The following MAPK9 variants were observed in gnomAD, a reference collection of about 807,000 sequenced individuals.
MAPK9 encodes Jun kinase.
MAPK9 carries 30 observed loss-of-function variants against 57.1 expected under a neutral mutation model. The ratio of observed to expected loss-of-function variants is 0.53; its 90% confidence interval spans 0.39 to 0.71. The LOEUF is 0.71. MAPK9 is among the 30% of genes least tolerant of loss of function. MAPK9 has a pLI of 0.00. For synonymous variants in MAPK9, 155 were observed against 177.0 expected (o/e 0.88, Z 0.99); for missense variants, 362 against 521.0 (o/e 0.69, Z 2.97).
At chr5:180,261,296 T>C (rs1216713618) in intron 5 of MAPK9, among the ~76,000 whole-genome samples, 2 of 152,252 alleles carry the variant, frequency 1.3e-5, no homozygotes, top group Non-Finnish European at 2.9e-5. Flanking sequence ...AGTTCCTTGC[T>C]CATTAAAAAT....
chr5:180,255,823 A>G (rs965542572), intron 5 of MAPK9, among the ~76,000 whole-genome samples: 13 of 152,228 alleles, frequency 8.5e-5, no homozygotes, highest in African/African-American at 3.1e-4. Flanking sequence ...TATTATTTCA[A>G]TATGGAAATA....
chr5:180,250,954 C>T (rs757726111), intron 5 of MAPK9, among the ~76,000 whole-genome samples: 4 of 152,124 alleles, frequency 2.6e-5, no homozygotes, highest in East Asian at 1.9e-4. Context: ...ACCAAATGAA[C>T]GAATTCGCTT....
At chr5:180,275,555 G>C (rs913691795) in intron 2 of MAPK9, among the ~76,000 whole-genome samples, 1 of 152,166 alleles carries the variant, frequency 6.6e-6, no homozygotes, top group East Asian at 1.9e-4. Flanking sequence ...TGCCCCCAAG[G>C]GAAAGACAGC....
rs141292449 is a variant in MAPK9, at chr5:180,275,196, C to A, written c.122+5244G>T. Reference sequence around the variant, plus strand: ...CCTTGTGTGCCTAGACTGGGCCTTGCACGTATAAAACTGTTTGCTATCTAG... The same window carrying A: ...CCTTGTGTGCCTAGACTGGGCCTTGAACGTATAAAACTGTTTGCTATCTAG... On this transcript the variant is annotated intron_variant, in intron 2 of 11. Coordinates refer to ENST00000452135, the MANE Select transcript of MAPK9 (RefSeq NM_002752.5). 7.6e-3 allele frequency among the ~76,000 whole-genome samples: 1,155 copies of A among 152,222 alleles called. 7 individuals are homozygous for A. Among genetic ancestry groups the A allele is most frequent in the Non-Finnish European group, 0.012 (784 of 68,016 alleles).
chr5:180,245,354 G>GAT (rs1360665351), intron 7 of MAPK9, among the ~76,000 whole-genome samples: 3 of 152,194 alleles, frequency 2.0e-5, no homozygotes, highest in African/African-American at 2.4e-5. Context: ...CTGTTCTCCT[G>GAT]CTCTGCCCTG....
chr5:180,236,362 C>G lies in MAPK9; in HGVS notation c.*22G>C, dbSNP rs1757171759. 1 of 1,586,438 alleles carries G rather than the reference C, an allele frequency of 6.3e-7. No individual in the cohort carries two copies. Among genetic ancestry groups the G allele is most frequent in the Non-Finnish European group, 8.6e-7 (1 of 1,159,896 alleles). ...GAGGTGAGAGTTCCTTCAATGCTGA[C>G]AGGTTTGCTATTTCTAACCTATCAT... On this transcript the variant is annotated 3_prime_UTR_variant, in exon 12 of 12. Transcript: ENST00000452135.
At chr5:180,264,926 G>GA (rs905033547) in intron 3 of MAPK9, 87 bp from the exon 4 acceptor site, 13 of 1,090,822 alleles carry the variant, frequency 1.2e-5, no homozygotes, top group African/African-American at 5.1e-5. Flanking sequence ...ATTAAGACGG[G>GA]AAAAAAATCA....
chr5:180,267,434 C>T (rs1027212517), intron 3 of MAPK9, among the ~76,000 whole-genome samples: 8 of 151,720 alleles, frequency 5.3e-5, no homozygotes, highest in Middle Eastern at 3.4e-3. Context: ...TGGTGGCGGG[C>T]ACCTGTAGTC....
intron 1 of MAPK9, among the ~76,000 whole-genome samples, chr5:180,290,816 A>G (rs1244066099): frequency 2.0e-5 from 3 of 152,254 alleles, no homozygotes; most frequent in Admixed American, 6.5e-5. Context: ...AGCTGATACT[A>G]CTGAATACTT....
chr5:180,284,077 T>C (rs1035329694), intron 1 of MAPK9, among the ~76,000 whole-genome samples: 1 of 152,208 alleles, frequency 6.6e-6, no homozygotes, highest in Non-Finnish European at 1.5e-5. Flanking sequence ...AGAAAGAAAC[T>C]TAAGGCCACC....
At chr5:180,268,382 ATATT>A (rs1416648257) in intron 3 of MAPK9, among the ~76,000 whole-genome samples, 1 of 152,210 alleles carries the variant, frequency 6.6e-6, no homozygotes, top group Non-Finnish European at 1.5e-5. Context: ...TTTCCACAAA[ATATT>A]TAGTTGTTTC....
chr5:180,270,681 T>C (rs1761175937), intron 2 of MAPK9, among the ~76,000 whole-genome samples: 1 of 151,912 alleles, frequency 6.6e-6, no homozygotes, highest in South Asian at 2.1e-4. Flanking sequence ...TGAAACCTTG[T>C]CTGTACAAAA....
intron 1 of MAPK9, among the ~76,000 whole-genome samples, chr5:180,285,671 C>G (rs775726656): frequency 6.6e-6 from 1 of 152,070 alleles, no homozygotes; most frequent in African/African-American, 2.4e-5. Flanking sequence ...ACTTGTAATC[C>G]CAGCACTGTG....
chr5:180,291,699 C>T (rs1045936140), intron 1 of MAPK9, 149 bp downstream of exon 1: 72 of 151,208 alleles, frequency 4.8e-4, no homozygotes, highest in African/African-American at 1.7e-3. Context: ...TGCGGCATCC[C>T]CCAGCACAGG....
intron 2 of MAPK9, among the ~76,000 whole-genome samples, chr5:180,276,176 T>C (rs1403886965): frequency 6.6e-6 from 1 of 152,246 alleles, no homozygotes; most frequent in East Asian, 1.9e-4. Flanking sequence ...GTGAACATTG[T>C]TATGTTTTTA....
At chr5:180,236,958 A>AG (rs1192376865) in intron 11 of MAPK9, 1 of 152,698 alleles carries the variant, frequency 6.5e-6, no homozygotes, top group East Asian at 1.9e-4. Flanking sequence ...CTAAATCTAC[A>AG]GGAAAAAAAG....
chr5:180,259,684 A>G (rs1759711336), intron 5 of MAPK9, among the ~76,000 whole-genome samples: 1 of 151,192 alleles, frequency 6.6e-6, no homozygotes. Flanking sequence ...AAACATGAAA[A>G]ATCTCATACT....
At position 180,247,631 on chromosome 5, in the gene MAPK9, T is replaced by C. The variant is rs2127581490; in HGVS notation, c.617-121A>G. 9.9e-7 allele frequency: 1 copy of C among 1,012,832 alleles called. No homozygotes were observed. Among genetic ancestry groups the C allele is most frequent in the South Asian group, 1.4e-5 (1 of 73,550 alleles). The allele number at this position is 1,012,832 out of a possible 1,614,324, so 62.7% of individuals were successfully genotyped here. A position where few individuals can be genotyped will look rare whatever the true frequency, so the allele number is the denominator to read the frequency against. On this transcript the variant is annotated intron_variant, in intron 6 of 11. Transcript: ENST00000452135. The surrounding 1 kb of genome is among the most constrained non-coding windows in gnomAD (Gnocchi z 4.5). Reference sequence around the variant, plus strand: ...GGAAAAATAAATTGCTAGCTAAGGGTGACATTTTACACAATATGAATGATT... The same window carrying C: ...GGAAAAATAAATTGCTAGCTAAGGGCGACATTTTACACAATATGAATGATT...
intron 4 of MAPK9, 151 bp downstream of exon 4, chr5:180,264,630 T>A: frequency 1.5e-6 from 1 of 668,386 alleles, no homozygotes; most frequent in Non-Finnish European, 2.4e-6. Context: ...TATCAAATTT[T>A]CTAAATATTT....
Sources: gnomAD v4.1 joint callset for allele counts (sites outside exome capture counted in the v4.1 genomes callset) on GRCh38, gnomAD v4.1.1 for gene constraint, Gnocchi (gnomAD v3.1) non-coding constraint, MANE v1.5 for transcripts, NCBI Gene and HGNC (gene_info 2026-07-23, HGNC 2026-07-21) for gene names.